The following SPAST variants were observed in gnomAD, a reference collection of about 807,000 sequenced individuals.
SPAST encodes spastic paraplegia 4 (autosomal dominant; spastin).
A neutral mutation model predicts 76.6 loss-of-function variants in SPAST; 30 were observed. The ratio of observed to expected loss-of-function variants is 0.39; its 90% CI spans 0.29 to 0.53. The LOEUF (loss-of-function observed/expected upper bound fraction) is 0.53. Ranked by LOEUF, SPAST falls within the 20% of genes least tolerant of loss-of-function variation. SPAST has a pLI of 0.68. For missense variants in SPAST, 717 were observed against 770.5 expected, an observed-to-expected ratio of 0.93 and a Z score of 0.82; for synonymous variants, 305 against 281.0, an observed-to-expected ratio of 1.09 and a Z score of -0.86.
intron 7 of SPAST, 55 bp from the exon 8 acceptor site, chr2:32,126,893 A>C: frequency 1.7e-6 from 2 of 1,209,802 alleles, no homozygotes; most frequent in Non-Finnish European, 2.5e-6. Context: ...GATGGCAAAG[A>C]GTACTTAAAA....
intron 2 of SPAST, 116 bp downstream of exon 2, chr2:32,087,694 C>CTTTTTTTTT (rs770566493): frequency 1.4e-4 from 27 of 186,238 alleles, no homozygotes; most frequent in South Asian, 1.9e-4. Context: ...CTTTTCTTTT[C>CTTTTTTTTT]TTTTTTTTTT....
intron 3 of SPAST, among the ~76,000 whole-genome samples, chr2:32,089,966 A>T (rs200638082): frequency 6.6e-6 from 1 of 152,206 alleles, no homozygotes; most frequent in Non-Finnish European, 1.5e-5. Flanking sequence ...GGGTTTCACC[A>T]TGTTAGCCAG....
At chr2:32,138,328 C>T (rs1265432024) in intron 12 of SPAST, among the ~76,000 whole-genome samples, 2 of 152,208 alleles carry the variant, frequency 1.3e-5, no homozygotes, top group African/African-American at 4.8e-5. Flanking sequence ...TACTTTTTCC[C>T]GCCAATCTGT....
chr2:32,121,702 C>T (rs1679026591), intron 7 of SPAST, among the ~76,000 whole-genome samples: 1 of 151,764 alleles, frequency 6.6e-6, no homozygotes, highest in South Asian at 2.1e-4. Context: ...CACCACCATG[C>T]CCGGCTAATT....
chr2:32,075,937 G>A (rs1277547932), intron 1 of SPAST, among the ~76,000 whole-genome samples: 2 of 116,638 alleles, frequency 1.7e-5, no homozygotes, highest in Non-Finnish European at 3.2e-5. Flanking sequence ...GTCTCGCTCT[G>A]TCGCCCAGGC....
chr2:32,110,541 TA>T (rs1678521825), intron 4 of SPAST, among the ~76,000 whole-genome samples: 2 of 133,458 alleles, frequency 1.5e-5, no homozygotes. Context: ...GTATATATAG[TA>T]TATATATACT....
At chr2:32,133,909 TAATA>T (rs1403731352) in intron 9 of SPAST, among the ~76,000 whole-genome samples, 1 of 152,232 alleles carries the variant, frequency 6.6e-6, no homozygotes, top group Non-Finnish European at 1.5e-5. Context: ...TTAAATATTT[TAATA>T]AATCATAGTA....
chr2:32,148,810 CA>C (rs372253559), intron 16 of SPAST, among the ~76,000 whole-genome samples: 143 of 120,610 alleles, frequency 1.2e-3, no homozygotes, highest in Middle Eastern at 4.6e-3. Context: ...GACTCCATCT[CA>C]AAAAAAAAAA....
intron 1 of SPAST, among the ~76,000 whole-genome samples, chr2:32,081,267 T>G (rs1677211061): frequency 6.6e-6 from 1 of 151,956 alleles, no homozygotes; most frequent in African/African-American, 2.4e-5. Context: ...TTTTTTTGTG[T>G]GTGTTTTCAG....
At chr2:32,104,403 C>G (rs1443205810) in intron 4 of SPAST, among the ~76,000 whole-genome samples, 1 of 152,150 alleles carries the variant, frequency 6.6e-6, no homozygotes, top group Non-Finnish European at 1.5e-5. Context: ...GACTCGTTAT[C>G]CAATTTGCCA....
intron 4 of SPAST, among the ~76,000 whole-genome samples, chr2:32,114,035 C>T (rs888373825): frequency 1.4e-4 from 22 of 152,032 alleles, no homozygotes; most frequent in African/African-American, 3.9e-4. Flanking sequence ...CCTCTGACTC[C>T]GTGGTTCAAG....
chr2:32,092,604 A>T (rs757861510), intron 3 of SPAST, among the ~76,000 whole-genome samples: 7 of 152,240 alleles, frequency 4.6e-5, no homozygotes, highest in Non-Finnish European at 8.8e-5. Flanking sequence ...GAAACTAGGC[A>T]TTTAAAGATT....
intron 3 of SPAST, among the ~76,000 whole-genome samples, chr2:32,092,387 A>G (rs1677756965): frequency 6.6e-6 from 1 of 152,238 alleles, no homozygotes; most frequent in African/African-American, 2.4e-5. Flanking sequence ...TATAAAGTAT[A>G]TATCATACAG....
At chr2:32,079,699 CA>C (rs894720052) in intron 1 of SPAST, among the ~76,000 whole-genome samples, 2 of 151,902 alleles carry the variant, frequency 1.3e-5, no homozygotes, top group African/African-American at 4.8e-5. Flanking sequence ...GCTGGGACCA[CA>C]GGTGTGCACC....
At chr2:32,130,736 A>G (rs1336613191) in intron 9 of SPAST, 1 of 152,408 alleles carries the variant, frequency 6.6e-6, no homozygotes, top group Non-Finnish European at 1.5e-5. Context: ...AAAAAAAAAA[A>G]AAATCCAGAG....
At chr2:32,083,776 A>ATATATATATATATATATT (rs1553398791) in intron 1 of SPAST, among the ~76,000 whole-genome samples, 1 of 46,084 alleles carries the variant, frequency 2.2e-5, no homozygotes, top group Non-Finnish European at 3.7e-5. Context: ...ATATATATAT[A>ATATATATATATATATATT]TTTTTTTTTT....
At position 32,157,404 on chromosome 2, in the gene SPAST, C is replaced by T. The variant is rs746419337; in HGVS notation, c.*2908C>T. The T allele has an allele frequency of 8.5e-5, 13 of 152,612 alleles. No homozygotes were observed. Among genetic ancestry groups the T allele is most frequent in the Admixed American group, 6.6e-4 (10 of 15,266 alleles). 9.5% of individuals were successfully genotyped at this position (152,612 alleles called of 1,614,324 possible). On this transcript the variant is annotated 3_prime_UTR_variant, in exon 17 of 17. Coordinates refer to ENST00000315285, the MANE Select transcript of SPAST (RefSeq NM_014946.4). The stretch of plus-strand genomic sequence containing the variant: ...ATTCTAATTTAATTACATATACAGC[C>T]GTCTTTGTTTATAGTGTAGAATTCT...
chr2:32,115,325 T>G (rs1185665275), intron 5 of SPAST, among the ~76,000 whole-genome samples: 1 of 152,212 alleles, frequency 6.6e-6, no homozygotes, highest in African/African-American at 2.4e-5. Context: ...ATACCAAGTT[T>G]TGCTTACCCA....
rs1491195298 is a variant in SPAST, at chr2:32,156,058, GAC to G, written c.*1564_*1565del. On this transcript the variant is annotated 3_prime_UTR_variant, in exon 17 of 17. Transcript: ENST00000315285. ...TTTCTGGGTTTTTTTTTTTTTTTGAGACAGAGTTTCGCTCTTGTTGCCCAGGC... is the reference window on the plus strand; with the variant it reads ...TTTCTGGGTTTTTTTTTTTTTTTGAGAGAGTTTCGCTCTTGTTGCCCAGGC... 2.1e-5 allele frequency: 3 copies of G among 144,792 alleles called. No homozygotes were observed. The highest frequency in any genetic ancestry group is 3.0e-5 in the Non-Finnish European group (2 of 66,486). The allele number at this position is 144,792 out of a possible 1,614,324, so 9.0% of individuals were successfully genotyped here. A position where few individuals can be genotyped will look rare whatever the true frequency, so the allele number is the denominator to read the frequency against.
Sources: gnomAD v4.1 joint callset for allele counts (sites outside exome capture counted in the v4.1 genomes callset) on GRCh38, gnomAD v4.1.1 for gene constraint, MANE v1.5 for transcripts, NCBI Gene and HGNC (gene_info 2026-07-23, HGNC 2026-07-21) for gene names.